Variants in ALAS2 observed in about 807,000 individuals in gnomAD.
ALAS2 encodes 5-aminolevulinate synthase, erythroid-specific, mitochondrial.
ALAS2 carries 3 observed loss-of-function variants against 33.7 expected under a neutral mutation model. The observed-to-expected ratio is 0.09, with a 90% CI of 0.04 to 0.23. ALAS2 has a LOEUF of 0.23. ALAS2 is among the 10% of genes least tolerant of loss of function. ALAS2 has a pLI of 1.00. For synonymous variants in ALAS2, 191 were observed against 177.3 expected, an observed-to-expected ratio of 1.08 and a Z score of -0.61; for missense variants, 304 against 475.1, an observed-to-expected ratio of 0.64 and a Z score of 3.35.
chrX:55,016,172 T>C (rs1273249914), intron 7 of ALAS2, among the ~76,000 whole-genome samples: 4 of 110,806 alleles, frequency 3.6e-5, no homozygotes, highest in Middle Eastern at 4.6e-3. Flanking sequence ...GGATCAACAG[T>C]TTGGGCAGAG....
At chrX:55,023,984 A>C in intron 3 of ALAS2, 117 bp from the exon 4 acceptor site, 1 of 558,943 alleles carries the variant, frequency 1.8e-6, no homozygotes. Context: ...AGGTAAGGGC[A>C]GCTTCTACAG....
rs375181450 is a variant in ALAS2, at chrX:55,027,747, G to A, written c.-15-1732C>T. The A allele has an allele frequency of 1.8e-4, 214 of 1,207,820 alleles. No homozygotes were observed. Among genetic ancestry groups the A allele is most frequent in the Non-Finnish European group, 2.0e-4 (180 of 894,015 alleles). On this transcript the variant is annotated intron_variant, in intron 1 of 10. Transcript: ENST00000650242. ...ATCTCATAGAACAAGCACCCTCCCCGTACCTCACAAAACAACCTCTTTTTC... is the reference window on the plus strand; with the variant it reads ...ATCTCATAGAACAAGCACCCTCCCCATACCTCACAAAACAACCTCTTTTTC...
chrX:55,015,146 C>T (rs1935677626), intron 8 of ALAS2, 131 bp from the exon 9 acceptor site: 9 of 723,594 alleles, frequency 1.2e-5, no homozygotes, highest in Non-Finnish European at 1.8e-5. Context: ...GGCCTCTGCT[C>T]ATCTGTCCAT....
intron 6 of ALAS2, 116 bp from the exon 7 acceptor site, chrX:55,017,781 C>G (rs1259544818): frequency 3.4e-5 from 26 of 758,751 alleles, no homozygotes; most frequent in Non-Finnish European, 5.0e-5. Context: ...AGACCTTGCT[C>G]TGCTTCTTCC....
At chrX:55,027,780 A>G (rs766625893) in intron 1 of ALAS2, 1 of 1,211,368 alleles carries the variant, frequency 8.3e-7, no homozygotes, top group East Asian at 3.0e-5. Context: ...TTCTTGTTCC[A>G]TCCCAGAGCA....
chrX:55,015,614 T>C lies in ALAS2; in HGVS notation c.1132A>G (p.Ile378Val). The part of the protein sequence containing the change: ...RGAGIGERDG[I>V]MHKIDIISGT... ...GAGATGATGTCAATCTTATGCATAA[T>C]TCCATCACGCTCCCCAATCCCAGCG... The change falls in exon 8 of 11, where the codon ATT (isoleucine) becomes GTT (valine). Residue 378 changes from isoleucine to valine, a missense_variant. By Grantham distance (29) the Ile-to-Val change is conservative. This residue lies in a region of ALAS2 where 138 missense variants were observed against 265.3 expected (regional missense o/e 0.52). Coordinates refer to ENST00000650242, the MANE Select transcript of ALAS2 (RefSeq NM_000032.5). 8.3e-7 allele frequency: 1 copy of C among 1,210,610 alleles called. No homozygotes were observed. Among genetic ancestry groups the C allele is most frequent in the Non-Finnish European group, 1.1e-6 (1 of 895,062 alleles).
At chrX:55,026,310 G>A (rs987921160) in intron 1 of ALAS2, among the ~76,000 whole-genome samples, 1 of 112,214 alleles carries the variant, frequency 8.9e-6, no homozygotes, top group African/African-American at 3.2e-5. Flanking sequence ...TGATGATGAG[G>A]ATCACTGAAA....
rs987452710 is a variant in ALAS2 at position 55,009,066 on chromosome X, G to A, written c.*114C>T. The A allele has an allele frequency of 2.5e-5, 24 of 972,837 alleles. No individual in the cohort carries two copies. The highest frequency in any genetic ancestry group is 3.3e-5 in the Non-Finnish European group (23 of 705,252). 80.2% of individuals were successfully genotyped at this position (972,837 alleles called of 1,213,427 possible). On this transcript the variant is annotated 3_prime_UTR_variant, in exon 11 of 11. Coordinates refer to ENST00000650242, the MANE Select transcript of ALAS2 (RefSeq NM_000032.5). ...TAAAAGGCTTCACATGCTGTGGTTT[G>A]TGCTTTATTTTTAGGCTCAATTCAG...
At chrX:55,020,548 G>C (rs1935786557) in intron 5 of ALAS2, 44 bp from the exon 6 acceptor site, 2 of 1,129,330 alleles carry the variant, frequency 1.8e-6, no homozygotes, top group African/African-American at 3.6e-5. Flanking sequence ...AGAAACTCTT[G>C]TCAGGCATCG....
chrX:55,009,370 A>G, intron 10 of ALAS2, 27 bp from the exon 11 acceptor site: 2 of 1,176,110 alleles, frequency 1.7e-6, no homozygotes, highest in South Asian at 1.9e-5. Context: ...GAGGGGAGGG[A>G]AAAAATGGGT....
At chrX:55,013,191 C>G (rs1203429082) in intron 10 of ALAS2, among the ~76,000 whole-genome samples, 1 of 111,634 alleles carries the variant, frequency 9.0e-6, no homozygotes, top group African/African-American at 3.3e-5. Flanking sequence ...ATCCCTCAGG[C>G]TGAGTCAGGC....
intron 1 of ALAS2, among the ~76,000 whole-genome samples, chrX:55,029,172 A>C (rs1297553870): frequency 3.6e-5 from 4 of 112,144 alleles, no homozygotes; most frequent in Non-Finnish European, 7.5e-5. Context: ...TCACATGAAT[A>C]TACCAGGCTG....
chrX:55,011,614 G>A (rs1340365170), intron 10 of ALAS2, among the ~76,000 whole-genome samples: 1 of 111,955 alleles, frequency 8.9e-6, no homozygotes, highest in African/African-American at 3.2e-5. Flanking sequence ...AAGCAAATAG[G>A]TTTGAGAGAG....
chrX:55,017,760 C>G, intron 6 of ALAS2, 95 bp from the exon 7 acceptor site: 2 of 942,452 alleles, frequency 2.1e-6, no homozygotes, highest in Middle Eastern at 3.8e-4. Flanking sequence ...CCAACCCTTT[C>G]TTCCCTTTGA....
chrX:55,027,537 G>A (rs1321905299), intron 1 of ALAS2, among the ~76,000 whole-genome samples: 1 of 111,421 alleles, frequency 9.0e-6, no homozygotes, highest in Non-Finnish European at 1.9e-5. Flanking sequence ...GTCAAAAAGT[G>A]AGACAAGATA....
chrX:55,020,438 A>G lies in ALAS2; in HGVS notation c.705T>C (p.Phe235=). The change falls in exon 6 of 11, where the codon TTT becomes TTC. Residue 235 remains phenylalanine, a synonymous_variant. Coordinates refer to ENST00000650242, the MANE Select transcript of ALAS2 (RefSeq NM_000032.5). The part of the protein sequence containing the change: ...GTRNISGTSK[F]HVELEQELAE... ...CCAGCTCCTGCTCAAGCTCCACATG[A>G]AACTTACTGGTGCCTGAGATGTTGC... 8.4e-7 allele frequency: 1 copy of G among 1,193,096 alleles called. No homozygotes were observed. The highest frequency in any genetic ancestry group is 1.1e-6 in the Non-Finnish European group (1 of 885,779).
At chrX:55,011,000 G>A (rs1036522173) in intron 10 of ALAS2, among the ~76,000 whole-genome samples, 2 of 111,360 alleles carry the variant, frequency 1.8e-5, no homozygotes, top group African/African-American at 3.3e-5. Flanking sequence ...GTGAGGGAGG[G>A]CATTCCAATC....
Position 55,024,850 on chromosome X carries a change from G to A in ALAS2, c.182-10C>T. 3 of 1,211,279 alleles carry A rather than the reference G, an allele frequency of 2.5e-6. No homozygotes were observed. Among genetic ancestry groups the A allele is most frequent in the Non-Finnish European group, 3.4e-6 (3 of 895,135 alleles). On this transcript the variant is annotated splice_polypyrimidine_tract_variant and intron_variant, in intron 2 of 10. Coordinates refer to ENST00000650242, the MANE Select transcript of ALAS2 (RefSeq NM_000032.5). ...GCCCAAGATGGAGAATCTATGCAAA[G>A]GTAAGAGAGTAATTTGGGGTGCATT...
intron 7 of ALAS2, among the ~76,000 whole-genome samples, chrX:55,015,957 CTCTGTGTGTGTGTG>C (rs1255091039): frequency 9.3e-5 from 8 of 86,310 alleles, no homozygotes; most frequent in African/African-American, 3.6e-4. Flanking sequence ...CTCTCTGTCT[CTCTGTGTGTGTGTG>C]TGTGTGTGTG....
Sources: allele counts gnomAD v4.1 joint callset (sites outside exome capture counted in the v4.1 genomes callset), GRCh38; gene constraint gnomAD v4.1.1; regional missense constraint gnomAD v4.1.1; transcripts MANE v1.5; gene names NCBI Gene and HGNC (gene_info 2026-07-23, HGNC 2026-07-21).